Variants in FAM184A observed in about 807,000 individuals in gnomAD.
FAM184A encodes protein FAM184A.
A neutral mutation model predicts 143.8 loss-of-function variants in FAM184A; 99 were observed. The ratio of observed to expected loss-of-function variants is 0.69; its 90% CI spans 0.58 to 0.81. FAM184A has a LOEUF of 0.81. Among genes scored for constraint, FAM184A ranks in the 40% least tolerant of loss-of-function variants. The pLI, the probability that FAM184A is intolerant of heterozygous loss-of-function variation, is 0.00. For synonymous variants in FAM184A, 427 were observed against 446.4 expected (o/e 0.96, Z 0.55); for missense variants, 1,217 against 1,310.5 (o/e 0.93, Z 1.10).
chr6:118,968,211 G>A (rs984726595), intron 14 of FAM184A, among the ~76,000 whole-genome samples: 3 of 152,282 alleles, frequency 2.0e-5, no homozygotes, highest in African/African-American at 7.2e-5. Context: ...CACATTTAAA[G>A]AATTGTCTTC....
At chr6:119,128,935 A>T (rs921337873) in intron 1 of FAM184A, among the ~76,000 whole-genome samples, 1 of 152,040 alleles carries the variant, frequency 6.6e-6, no homozygotes, top group Middle Eastern at 3.4e-3. Flanking sequence ...CCAATAAAAA[A>T]CACTGTCTAT....
intron 3 of FAM184A, among the ~76,000 whole-genome samples, chr6:119,020,428 G>A (rs551717811): frequency 1.5e-3 from 231 of 151,212 alleles, no homozygotes; most frequent in Non-Finnish European, 2.7e-3. Flanking sequence ...GGTTTTTTTT[G>A]TTTTTGTTTT....
In FAM184A at chr6:118,961,851, A is replaced by G. The variant is rs2114528298; in HGVS notation, c.3251T>C (p.Ile1084Thr). 1 of 1,613,888 alleles carries G rather than the reference A, an allele frequency of 6.2e-7. No individual in the cohort carries two copies. The change falls in exon 17 of 18, where the codon ATT becomes ACT. Residue 1084 changes from isoleucine to threonine, a missense_variant. Physicochemically the swap from Ile to Thr is moderately conservative, Grantham distance 89. Transcript: ENST00000338891. Reference sequence around the variant, plus strand: ...AATATCGTGGACTGGAGAATTAGGAATGGGATCCAGGCGGTTAGGATGTCC... The same window carrying G: ...AATATCGTGGACTGGAGAATTAGGAGTGGGATCCAGGCGGTTAGGATGTCC... ...GNGHPNRLDP[I>T]PNSPVHDIEF...
chr6:118,974,953 A>T (rs1197957075), intron 13 of FAM184A, 71 bp downstream of exon 13: 29 of 1,260,268 alleles, frequency 2.3e-5, no homozygotes, highest in Non-Finnish European at 3.1e-5. Context: ...ATTAGCATAG[A>T]TTACTAAATA....
upstream of FAM184A, among the ~76,000 whole-genome samples, chr6:119,082,250 G>T (rs540815946): frequency 2.6e-4 from 39 of 152,258 alleles, no homozygotes; most frequent in Middle Eastern, 3.4e-3. Context: ...AACACATGGG[G>T]ATTTCAATTC....
rs150274964 is a variant in FAM184A at position 119,146,073 on chromosome 6, G to A, written c.-202+3005C>T. 3.1e-3 allele frequency among the ~76,000 whole-genome samples: 472 copies of A among 152,218 alleles called. 6 individuals carry two copies. Among genetic ancestry groups the A allele is most frequent in the African/African-American group, 0.011 (463 of 41,532 alleles). On this transcript the variant is annotated intron_variant, in intron 1 of 16. Transcript: ENST00000352896. ...TCTGGGGACAGTCTATGGGTGAAGAGTTTGATTTGTTTAGTTATGTATTTA... is the reference window on the plus strand; with the variant it reads ...TCTGGGGACAGTCTATGGGTGAAGAATTTGATTTGTTTAGTTATGTATTTA...
At chr6:118,994,492 C>T (rs1259451714) in intron 9 of FAM184A, among the ~76,000 whole-genome samples, 2 of 151,882 alleles carry the variant, frequency 1.3e-5, no homozygotes, top group East Asian at 3.9e-4. Context: ...TGAGACCACC[C>T]TGGCTAACAT....
intron 1 of FAM184A, among the ~76,000 whole-genome samples, chr6:119,091,960 T>C (rs1163149691): frequency 6.6e-6 from 1 of 152,192 alleles, no homozygotes; most frequent in African/African-American, 2.4e-5. Flanking sequence ...TGCACTAGCA[T>C]TGGAGTGCCA....
intron 16 of FAM184A, chr6:118,963,315 A>G (rs1255392534): frequency 6.6e-6 from 1 of 152,078 alleles, no homozygotes; most frequent in Non-Finnish European, 1.5e-5. Context: ...GAAAAGGAGT[A>G]TTTTTAGTAT....
At chr6:118,976,440 A>G (rs1055676295) in intron 11 of FAM184A, among the ~76,000 whole-genome samples, 1 of 152,092 alleles carries the variant, frequency 6.6e-6, no homozygotes, top group African/African-American at 2.4e-5. Context: ...AGGTGGGTGG[A>G]TCACCTGAGG....
intron 1 of FAM184A, chr6:119,069,068 G>A: frequency 2.7e-6 from 1 of 365,592 alleles, no homozygotes; most frequent in Non-Finnish European, 5.9e-6. Context: ...TGGCACAAAA[G>A]CAACTGAGGT....
chr6:119,021,787 G>C (rs1425991342), intron 3 of FAM184A, among the ~76,000 whole-genome samples: 1 of 151,950 alleles, frequency 6.6e-6, no homozygotes, highest in Non-Finnish European at 1.5e-5. Flanking sequence ...GTCACCCTAG[G>C]CAACATGGCA....
intron 1 of FAM184A, among the ~76,000 whole-genome samples, chr6:119,102,365 G>C (rs1788659803): frequency 6.6e-6 from 1 of 152,148 alleles, no homozygotes; most frequent in Non-Finnish European, 1.5e-5. Flanking sequence ...GGCATGAGAA[G>C]GAGGCCTGTG....
At chr6:119,084,711 G>A (rs1788168608) in intron 1 of FAM184A, among the ~76,000 whole-genome samples, 2 of 152,248 alleles carry the variant, frequency 1.3e-5, no homozygotes, top group South Asian at 4.1e-4. Flanking sequence ...CCTAGTAGAG[G>A]TTCTCCATGA....
upstream of FAM184A, among the ~76,000 whole-genome samples, chr6:119,079,828 T>C (rs1788008155): frequency 6.6e-6 from 1 of 152,202 alleles, no homozygotes; most frequent in Admixed American, 6.5e-5. Flanking sequence ...TGAAATACTT[T>C]AAGATCTGTT....
Position 119,024,243 on chromosome 6 carries a change from G to A in FAM184A, c.730C>T (p.Leu244=), listed in dbSNP as rs6907441. The change falls in exon 2 of 18, where the codon CTA becomes TTA. Residue 244 remains leucine, a synonymous_variant. Coordinates refer to ENST00000338891, the MANE Select transcript of FAM184A (RefSeq NM_024581.6). ...AACTTGCCTTCATAATCCTCAATTA[G>A]TTTCTTCCGTTCAAGTCTTAGCTCC... ...LEELRLERKK[L]IEDYEGKLNK... 5.4e-3 allele frequency: 8,782 copies of A among 1,614,134 alleles called. 378 individuals carry two copies. In the African/African-American group the frequency reaches 0.095, roughly 17 times the overall value.
chr6:119,108,841 C>G (rs1353132919), intron 1 of FAM184A, among the ~76,000 whole-genome samples: 2 of 152,150 alleles, frequency 1.3e-5, no homozygotes, highest in Non-Finnish European at 2.9e-5. Flanking sequence ...CCAATAATCT[C>G]CACGCTCCAG....
chr6:118,966,139 A>G (rs548080823), intron 15 of FAM184A, among the ~76,000 whole-genome samples: 1 of 152,334 alleles, frequency 6.6e-6, no homozygotes, highest in East Asian at 1.9e-4. Flanking sequence ...AGGAAAAAGG[A>G]CTTCAGAAAT....
intron 6 of FAM184A, among the ~76,000 whole-genome samples, chr6:119,007,796 C>T (rs959957767): frequency 6.6e-6 from 1 of 151,964 alleles, no homozygotes; most frequent in Non-Finnish European, 1.5e-5. Context: ...CAAAAAGTAG[C>T]CGGGTGTGGT....
Sources: allele counts gnomAD v4.1 joint callset (sites outside exome capture counted in the v4.1 genomes callset), GRCh38; gene constraint gnomAD v4.1.1; transcripts MANE v1.5; gene names NCBI Gene and HGNC (gene_info 2026-07-23, HGNC 2026-07-21).